Variants in PTBP3 observed in about 807,000 individuals in gnomAD.
The protein encoded by PTBP3 is polypyrimidine tract binding protein 3, also known as polypyrimidine tract-binding protein 3.
PTBP3 carries 20 observed loss-of-function variants against 58.7 expected under a neutral mutation model. The observed-to-expected ratio is 0.34, with a 90% CI of 0.24 to 0.50. The LOEUF (loss-of-function observed/expected upper bound fraction) is 0.50. Ranked by LOEUF, PTBP3 falls within the 20% of genes least tolerant of loss-of-function variation. The pLI, the probability that PTBP3 is intolerant of heterozygous loss-of-function variation, is 0.98. For synonymous variants in PTBP3, 185 were observed against 219.8 expected (o/e 0.84, Z 1.40); for missense variants, 509 against 637.2 (o/e 0.80, Z 2.17).
intron 4 of PTBP3, among the ~76,000 whole-genome samples, chr9:112,264,531 T>C (rs1416425100): frequency 2.6e-5 from 4 of 152,222 alleles, no homozygotes; most frequent in Admixed American, 1.3e-4. Flanking sequence ...TTGGGATAGC[T>C]TGCTATTCAG....
chr9:112,311,633 C>A (rs1160502588), intron 1 of PTBP3, among the ~76,000 whole-genome samples: 1 of 152,150 alleles, frequency 6.6e-6, no homozygotes, highest in Non-Finnish European at 1.5e-5. Context: ...CCCCTAGATA[C>A]TGAGGGACAA....
chr9:112,350,001 A>G, the PTBP3 span, among the ~76,000 whole-genome samples: 2 of 151,698 alleles, frequency 1.3e-5, no homozygotes, highest in African/African-American at 2.4e-5. Flanking sequence ...GTGTTTTATG[A>G]AAGTGTAGAG....
intron 1 of PTBP3, among the ~76,000 whole-genome samples, chr9:112,307,982 A>G (rs1002170380): frequency 3.3e-5 from 5 of 152,186 alleles, no homozygotes; most frequent in Non-Finnish European, 7.3e-5. Flanking sequence ...AGCTATCGTT[A>G]GTGTTAGTGT....
intron 1 of PTBP3, among the ~76,000 whole-genome samples, chr9:112,312,528 T>C (rs1029669186): frequency 1.4e-5 from 2 of 140,102 alleles, no homozygotes; most frequent in Non-Finnish European, 1.5e-5. Context: ...CGTGTGTGTG[T>C]GCGTTTACAT....
chr9:112,358,230 A>G, the PTBP3 span, among the ~76,000 whole-genome samples: 1 of 152,140 alleles, frequency 6.6e-6, no homozygotes, highest in Non-Finnish European at 1.5e-5. Context: ...GAATTGCTTG[A>G]ACGTGGGAGG....
chr9:112,270,423 C>T lies in PTBP3; in HGVS notation c.205-2228G>A, dbSNP rs865946014. ...ATTTACTTGTATGTATGGAATCACA[C>T]TAAACTGGCCAGAAAAGAGTGCTAT... On this transcript the variant is annotated intron_variant, in intron 3 of 13. Transcript: ENST00000374257. Among the ~76,000 whole-genome samples the T allele has an allele frequency of 2.0e-5, 3 of 152,226 alleles. No homozygotes were observed. In the South Asian group the frequency reaches 6.2e-4, roughly 31 times the overall value.
chr9:112,330,509 C>A, intron 1 of PTBP3: 2 of 1,430,050 alleles, frequency 1.4e-6, no homozygotes, highest in Non-Finnish European at 1.9e-6. Context: ...AAATGGAAAA[C>A]AAAGTTAGAG....
At chr9:112,263,067 T>C (rs987289847) in intron 4 of PTBP3, among the ~76,000 whole-genome samples, 2 of 152,010 alleles carry the variant, frequency 1.3e-5, no homozygotes, top group Admixed American at 6.6e-5. Flanking sequence ...GAGTATAAAA[T>C]ATTTTTGTTT....
At chr9:112,291,823 A>G (rs1443167280) in intron 2 of PTBP3, among the ~76,000 whole-genome samples, 1 of 152,254 alleles carries the variant, frequency 6.6e-6, no homozygotes, top group Non-Finnish European at 1.5e-5. Context: ...TTTCTTGGAT[A>G]TAACACCAAA....
At chr9:112,231,976 GAAGAGAA>G (rs1835238715) in intron 9 of PTBP3, 116 bp downstream of exon 9, 17 of 353,894 alleles carry the variant, frequency 4.8e-5, no homozygotes, top group African/African-American at 6.9e-5. Context: ...AGAGAGAAGA[GAAGAGAA>G]GAGAAGAGAA....
chr9:112,284,307 G>A (rs1483909787), intron 2 of PTBP3, among the ~76,000 whole-genome samples: 2 of 152,194 alleles, frequency 1.3e-5, no homozygotes, highest in South Asian at 2.1e-4. Context: ...AAGCCACCGG[G>A]GCGGAGATGC....
the PTBP3 span, among the ~76,000 whole-genome samples, chr9:112,365,097 A>G: frequency 6.6e-6 from 1 of 152,228 alleles, no homozygotes; most frequent in Non-Finnish European, 1.5e-5. Flanking sequence ...CATCCATGTT[A>G]TCACAAATGA....
intron 1 of PTBP3, among the ~76,000 whole-genome samples, chr9:112,321,906 C>T (rs535963896): frequency 9.2e-5 from 14 of 152,108 alleles, no homozygotes; most frequent in South Asian, 4.2e-4. Flanking sequence ...GAGGCCAAGG[C>T]GGGCGGATCA....
chr9:112,228,547 A>G, intron 10 of PTBP3, 75 bp from the exon 11 acceptor site: 5 of 1,060,932 alleles, frequency 4.7e-6, no homozygotes, highest in Non-Finnish European at 6.6e-6. Flanking sequence ...TAATATACTT[A>G]AAGAAGGCAT....
At chr9:112,362,515 T>C in the PTBP3 span, among the ~76,000 whole-genome samples, 1 of 152,242 alleles carries the variant, frequency 6.6e-6, no homozygotes, top group Admixed American at 6.5e-5. Context: ...TTAATTCTTA[T>C]GAAGTTCAAT....
At position 112,333,594 on chromosome 9, in the gene PTBP3, C is replaced by A. The variant is rs1185421921; in HGVS notation, c.-176G>T. The A allele has an allele frequency of 7.7e-7, 1 of 1,296,318 alleles. No homozygotes were observed. Among genetic ancestry groups the A allele is most frequent in the Non-Finnish European group, 1.1e-6 (1 of 921,050 alleles). 80.3% of individuals were successfully genotyped at this position (1,296,318 alleles called of 1,614,324 possible). A position where few individuals can be genotyped will look rare whatever the true frequency, so the allele number is the denominator to read the frequency against. On this transcript the variant is annotated 5_prime_UTR_variant, in exon 1 of 14. Transcript: ENST00000374257. ...AGCGAGCTTTGGCTCTGCGGAGCCC[C>A]GGCCGGTCCGAGGTGGAAGGAGAGT...
At chr9:112,272,793 A>T (rs928765879) in intron 3 of PTBP3, 1 of 152,110 alleles carries the variant, frequency 6.6e-6, no homozygotes, top group African/African-American at 2.4e-5. Flanking sequence ...GAATGCCCAG[A>T]CTCAAGCAAT....
At chr9:112,230,963 T>TGTAGACAATAATAAAATAGCAAA (rs547407546) in intron 10 of PTBP3, among the ~76,000 whole-genome samples, 3 of 151,280 alleles carry the variant, frequency 2.0e-5, no homozygotes, top group Admixed American at 6.6e-5. Context: ...ATTTTGACCC[T>TGTAGACAATAATAAAATAGCAAA]ACGCAGCTGT....
intron 1 of PTBP3, among the ~76,000 whole-genome samples, chr9:112,315,367 A>G (rs1176934453): frequency 1.3e-5 from 2 of 152,204 alleles, no homozygotes; most frequent in African/African-American, 2.4e-5. Flanking sequence ...ACACATTTAT[A>G]AAAAATCATG....
Sources: gnomAD v4.1 joint callset for allele counts (sites outside exome capture counted in the v4.1 genomes callset) on GRCh38, gnomAD v4.1.1 for gene constraint, MANE v1.5 for transcripts, NCBI Gene and HGNC (gene_info 2026-07-23, HGNC 2026-07-21) for gene names.